EHBP1L1: variants seen among roughly 807,000 people sequenced by gnomAD.
EHBP1L1 encodes EH domain-binding protein 1-like protein 1.
A neutral mutation model predicts 151.1 loss-of-function variants in EHBP1L1; 122 were observed. The ratio of observed to expected loss-of-function variants is 0.81; its 90% CI spans 0.70 to 0.94. The LOEUF (loss-of-function observed/expected upper bound fraction) is 0.94, where lower values mean the gene tolerates loss of function less well. Among genes scored for constraint, EHBP1L1 ranks in the 40% least tolerant of loss-of-function variants. EHBP1L1 has a pLI of 0.00. For synonymous variants in EHBP1L1, 878 were observed against 810.1 expected, an observed-to-expected ratio of 1.08 and a Z score of -1.42; for missense variants, 1,941 against 1,959.8, an observed-to-expected ratio of 0.99 and a Z score of 0.18.
rs1291936974 is a variant in EHBP1L1, at chr11:65,583,267, G to A, written c.2595G>A (p.Met865Ile). ...GAATGGCAGAGGCCCGAGTACTGATGACCCGTAAGACAGAAATTATAGTTC... is the reference window on the plus strand; with the variant it reads ...GAATGGCAGAGGCCCGAGTACTGATAACCCGTAAGACAGAAATTATAGTTC... ...EAGMAEARVL[M>I]TRKTEIIVPE... The change falls in exon 9 of 19, where the codon ATG becomes ATA. Residue 865 changes from methionine (M) to isoleucine (I), a missense_variant. Physicochemically the swap from Met to Ile is conservative, Grantham distance 10. Coordinates refer to ENST00000309295, the MANE Select transcript of EHBP1L1 (RefSeq NM_001099409.3). 6.2e-7 allele frequency: 1 copy of A among 1,613,566 alleles called. No individual in the cohort carries two copies.
Position 65,592,104 on chromosome 11 carries a change from G to T in EHBP1L1, c.4472+14G>T. ...CAAGGAGCGGATGTGAGTGGCGCTG[G>T]GCGGCGCTGGGAGTTGGGAGGGTCC... On this transcript the variant is annotated intron_variant, in intron 18 of 18. Transcript: ENST00000309295. 1 of 1,612,416 alleles carries T rather than the reference G, an allele frequency of 6.2e-7. No individual in the cohort carries two copies. The highest frequency in any genetic ancestry group is 8.5e-7 in the Non-Finnish European group (1 of 1,179,110).
In EHBP1L1 at chr11:65,581,712, C is replaced by A. The variant is rs1183328451; in HGVS notation, c.1040C>A (p.Pro347His). The change falls in exon 9 of 19, where the codon CCT becomes CAT. Residue 347 changes from proline (P) to histidine (H), a missense_variant. By Grantham distance (77) the Pro-to-His change is moderately conservative. Transcript: ENST00000309295. ...AGGGAGACCCAGGCCCAGGCATGCCCTCAGGAAGGGACAGAAGCCCATGGA... is the reference window on the plus strand; with the variant it reads ...AGGGAGACCCAGGCCCAGGCATGCCATCAGGAAGGGACAGAAGCCCATGGA... Reference protein sequence around the residue: ...SARETQAQACPQEGTEAHGAR... With the variant: ...SARETQAQACHQEGTEAHGAR... 7.6e-6 allele frequency: 12 copies of A among 1,588,634 alleles called. No homozygotes were observed. The highest frequency in any genetic ancestry group is 2.3e-5 in the East Asian group (1 of 43,596).
chr11:65,582,530 T>A lies in EHBP1L1; in HGVS notation c.1858T>A (p.Ser620Thr), dbSNP rs1215086641. 1 of 1,612,930 alleles carries A rather than the reference T, an allele frequency of 6.2e-7. No homozygotes were observed. Among genetic ancestry groups the A allele is most frequent in the Admixed American group, 1.7e-5 (1 of 59,964 alleles). The change falls in exon 9 of 19, where the codon TCA becomes ACA. Residue 620 changes from serine to threonine, a missense_variant. Transcript: ENST00000309295. ...AGCAGCAAGATCAAGGGTCCTGGAG[T>A]CAGAGGTTGCTGGGACAGCACAGTG... is the stretch of plus-strand genomic sequence containing the variant. ...KEAARSRVLE[S>T]EVAGTAQCEG...
At position 65,581,316 on chromosome 11, in the gene EHBP1L1, CG is replaced by C; in HGVS notation, c.815del (p.Gly272AlafsTer3). The C allele has an allele frequency of 1.2e-6, 2 of 1,610,490 alleles. No homozygotes were observed. Among genetic ancestry groups the C allele is most frequent in the Non-Finnish European group, 1.7e-6 (2 of 1,178,860 alleles). ...RGQGSERANE[A>X]GGQVGPEAPR... ...CAGGGGTCAGAACGAGCTAATGAAG[CG>C]GGGGGCCAGGTAGGCCCTGAGGCCC... On this transcript the variant is annotated frameshift_variant, in exon 8 of 19. Transcript: ENST00000309295. LOFTEE classifies it high-confidence loss of function.
At chr11:65,576,564 T>A (rs947333555) in intron 1 of EHBP1L1, among the ~76,000 whole-genome samples, 158 bp downstream of exon 1, 4 of 152,182 alleles carry the variant, frequency 2.6e-5, no homozygotes, top group African/African-American at 9.6e-5. Context: ...GATTCAGAAG[T>A]GCCCTTGCAA....
chr11:65,590,463 A>C (rs1858212855), intron 15 of EHBP1L1, 30 bp from the exon 16 acceptor site: 1 of 1,607,710 alleles, frequency 6.2e-7, no homozygotes, highest in African/African-American at 1.3e-5. Flanking sequence ...GGCAGGGGGC[A>C]GGCCTGGTGA....
intron 18 of EHBP1L1, 38 bp downstream of exon 18, chr11:65,592,128 C>T: frequency 6.2e-7 from 1 of 1,611,052 alleles, no homozygotes; most frequent in Non-Finnish European, 8.5e-7. Flanking sequence ...TTGGGAGGGT[C>T]CGGGACTTGC....
rs771022695 is a variant in EHBP1L1, at chr11:65,583,044, C to A, written c.2372C>A (p.Ala791Asp). ...SRDSGVPGLE[A>D]DTTGIQVKEV... ...GATTCAGGGGTCCCAGGGTTAGAAG[C>A]TGATACAACAGGGATCCAGGTGAAA... Residue 791 changes from alanine to aspartate, a missense_variant, in exon 9 of 19, where the codon GCT becomes GAT. Ala to Asp is a moderately radical substitution (Grantham distance 126). Transcript: ENST00000309295. The A allele has an allele frequency of 1.2e-6, 2 of 1,612,928 alleles. No individual in the cohort carries two copies.
At position 65,582,319 on chromosome 11, in the gene EHBP1L1, C is replaced by G; in HGVS notation, c.1647C>G (p.Ala549=). The G allele has an allele frequency of 6.5e-7, 1 of 1,546,322 alleles. No individual in the cohort carries two copies. The highest frequency in any genetic ancestry group is 1.3e-5 in the South Asian group (1 of 79,916). Residue 549 remains alanine (A), a synonymous_variant, in exon 9 of 19, where the codon GCC becomes GCG. Coordinates refer to ENST00000309295, the MANE Select transcript of EHBP1L1 (RefSeq NM_001099409.3). ...GGCAGGGGGCCCTGTTATCAACTGC[C>G]CAGGGGGCAATATCCAGGGGTCTGG... ...SSWQGALLST[A]QGAISRGLGG... is the part of the protein sequence containing the mutation.
At chr11:65,589,108 T>C (rs1218281308) in intron 12 of EHBP1L1, among the ~76,000 whole-genome samples, 1 of 152,076 alleles carries the variant, frequency 6.6e-6, no homozygotes, top group Non-Finnish European at 1.5e-5. Context: ...GGGAATTCCA[T>C]GGAAGAGGAG....
At chr11:65,590,040 AG>A in intron 14 of EHBP1L1, 46 bp from the exon 15 acceptor site, 1 of 1,611,708 alleles carries the variant, frequency 6.2e-7, no homozygotes, top group South Asian at 1.1e-5. Context: ...CCACCTATTC[AG>A]GGCCTGGGCT....
chr11:65,581,431 AC>A, intron 8 of EHBP1L1, 58 bp downstream of exon 8: 1 of 1,444,000 alleles, frequency 6.9e-7, no homozygotes, highest in Admixed American at 2.7e-5. Flanking sequence ...TGCAGTCCTC[AC>A]CCCCACCAAC....
chr11:65,591,961 C>T lies in EHBP1L1; in HGVS notation c.4358-15C>T. 1.2e-6 allele frequency: 2 copies of T among 1,609,584 alleles called. No homozygotes were observed. The highest frequency in any genetic ancestry group is 1.7e-6 in the Non-Finnish European group (2 of 1,176,714). On this transcript the variant is annotated splice_polypyrimidine_tract_variant and intron_variant, in intron 17 of 18. Coordinates refer to ENST00000309295, the MANE Select transcript of EHBP1L1 (RefSeq NM_001099409.3). ...GGGCCCGCGCCTCCTGACGCTTAGC[C>T]GCTTCGACCCTCAGACTGGCAGAAA...
Position 65,581,956 on chromosome 11 carries a change from G to GAGGTCAA in EHBP1L1, c.1289_1295dup (p.Arg433LysfsTer8). ...CAGTTTGTCAAGTGGATGCTGAGCA[G>GAGGTCAA]AGGTCAAAGGTGAGACATGTGGACA... On this transcript the variant is annotated frameshift_variant, in exon 9 of 19. Coordinates refer to ENST00000309295, the MANE Select transcript of EHBP1L1 (RefSeq NM_001099409.3). LOFTEE classifies it high-confidence loss of function. The GAGGTCAA allele has an allele frequency of 6.2e-7, 1 of 1,613,848 alleles. No individual in the cohort carries two copies. The highest frequency in any genetic ancestry group is 8.5e-7 in the Non-Finnish European group (1 of 1,179,854).
chr11:65,588,858 C>T (rs1858110754), intron 12 of EHBP1L1, among the ~76,000 whole-genome samples: 2 of 152,312 alleles, frequency 1.3e-5, no homozygotes, highest in African/African-American at 4.8e-5. Context: ...GGTGTGGGAA[C>T]TGAAAAGGCA....
At chr11:65,578,278 G>A (rs1857421677) in intron 1 of EHBP1L1, 1 of 152,436 alleles carries the variant, frequency 6.6e-6, no homozygotes, top group Admixed American at 6.5e-5. Flanking sequence ...GGCTGGACAT[G>A]GTGGGCGAGG....
At chr11:65,580,781 C>T (rs1368917948) in intron 6 of EHBP1L1, 4 of 768,996 alleles carry the variant, frequency 5.2e-6, no homozygotes, top group East Asian at 3.0e-5. Flanking sequence ...GTCAGAAGCC[C>T]GGCTCCTGAT....
chr11:65,582,228 A>C lies in EHBP1L1; in HGVS notation c.1556A>C (p.Glu519Ala). ...AEVRGGAPGI[E>A]GTGLEQGPSV... ...GTGAGGGGTGGAGCACCTGGTATTG[A>C]GGGGACAGGCCTGGAGCAGGGCCCT... Residue 519 changes from glutamate (E) to alanine (A), a missense_variant, in exon 9 of 19, where the codon GAG (glutamate) becomes GCG (alanine). Transcript: ENST00000309295. The C allele has an allele frequency of 6.5e-7, 1 of 1,530,534 alleles. No individual in the cohort carries two copies. Among genetic ancestry groups the C allele is most frequent in the Non-Finnish European group, 8.7e-7 (1 of 1,143,128 alleles). The allele number at this position is 1,530,534 out of a possible 1,614,324, so 94.8% of individuals were successfully genotyped here.
rs1308763459 is a variant in EHBP1L1, at chr11:65,581,878, G to A, written c.1206G>A (p.Glu402=). Residue 402 remains glutamate (E), a synonymous_variant, in exon 9 of 19, where the codon GAG becomes GAA. Coordinates refer to ENST00000309295, the MANE Select transcript of EHBP1L1 (RefSeq NM_001099409.3). ...VDTEPRSGGR[E]ANTKRSGVRA... ...CTGAGCCAAGGTCAGGAGGCAGAGAGGCAAACACTAAGAGGTCAGGAGTCA... is the reference window on the plus strand; with the variant it reads ...CTGAGCCAAGGTCAGGAGGCAGAGAAGCAAACACTAAGAGGTCAGGAGTCA... The A allele has an allele frequency of 1.9e-6, 3 of 1,613,676 alleles. No homozygotes were observed. The highest frequency in any genetic ancestry group is 2.5e-6 in the Non-Finnish European group (3 of 1,179,802).
Sources: allele counts gnomAD v4.1 joint callset (sites outside exome capture counted in the v4.1 genomes callset), GRCh38; gene constraint gnomAD v4.1.1; transcripts MANE v1.5; gene names NCBI Gene and HGNC (gene_info 2026-07-23, HGNC 2026-07-21).